Variants in SEPSECS observed in about 807,000 individuals in gnomAD.
The protein encoded by SEPSECS is Sep (O-phosphoserine) tRNA:Sec (selenocysteine) tRNA synthase, also known as O-phosphoseryl-tRNA(Sec) selenium transferase.
Under a neutral mutation model 52.1 loss-of-function variants are expected in SEPSECS, and 42 were observed. The observed-to-expected ratio is 0.81, with a 90% CI of 0.63 to 1.04. The LOEUF (loss-of-function observed/expected upper bound fraction) is 1.04. SEPSECS is among the 50% of genes least tolerant of loss of function. SEPSECS has a pLI of 0.00. For synonymous variants in SEPSECS, 216 were observed against 211.4 expected, an observed-to-expected ratio of 1.02 and a Z score of -0.19; for missense variants, 590 against 610.6, an observed-to-expected ratio of 0.97 and a Z score of 0.36.
chr4:25,145,650 T>C (rs1163903210), intron 6 of SEPSECS, among the ~76,000 whole-genome samples: 2 of 152,214 alleles, frequency 1.3e-5, no homozygotes, highest in Admixed American at 1.3e-4. Flanking sequence ...TGCTCCTTTT[T>C]TTGACAACAA....
At chr4:25,140,967 C>A (rs1479156358) in intron 8 of SEPSECS, among the ~76,000 whole-genome samples, 4 of 151,478 alleles carry the variant, frequency 2.6e-5, no homozygotes, top group Admixed American at 2.6e-4. Context: ...GAGTTCTTCT[C>A]TTGACATTAT....
chr4:25,159,734 T>G (rs1011488370), intron 1 of SEPSECS: 1 of 912,080 alleles, frequency 1.1e-6, no homozygotes, highest in Non-Finnish European at 1.4e-6. Flanking sequence ...ATCGTCACAC[T>G]GCATTCCAGC....
chr4:25,125,278 A>C (rs1275356183), intron 10 of SEPSECS: 1 of 167,070 alleles, frequency 6.0e-6, no homozygotes, highest in African/African-American at 2.4e-5. Flanking sequence ...TACATAGGCA[A>C]GGATTGCATA....
At chr4:25,125,451 G>T in intron 10 of SEPSECS, 1 of 496,236 alleles carries the variant, frequency 2.0e-6, no homozygotes, top group Non-Finnish European at 3.6e-6. Context: ...ATAAAACTTT[G>T]GTTCTGTACA....
intron 1 of SEPSECS, 133 bp downstream of exon 1, chr4:25,160,123 G>T (rs1712973886): frequency 6.8e-7 from 1 of 1,472,938 alleles, no homozygotes; most frequent in Admixed American, 2.5e-5. Flanking sequence ...GCTAGGGCAA[G>T]CCAAGCTGAG....
chr4:25,122,674 A>C lies in SEPSECS; in HGVS notation c.*1257T>G, dbSNP rs1052669189. ...CATGATCCACAGAGCTGGGTTTGAGAAACATAGCTTTGGCATGGTGGCATG... is the reference window on the plus strand; with the variant it reads ...CATGATCCACAGAGCTGGGTTTGAGCAACATAGCTTTGGCATGGTGGCATG... On this transcript the variant is annotated 3_prime_UTR_variant, in exon 11 of 11. Coordinates refer to ENST00000382103, the MANE Select transcript of SEPSECS (RefSeq NM_016955.4). The C allele has an allele frequency of 2.0e-5, 3 of 152,168 alleles. No individual in the cohort carries two copies. Among genetic ancestry groups the C allele is most frequent in the African/African-American group, 4.8e-5 (2 of 41,446 alleles). 9.4% of individuals were successfully genotyped at this position (152,168 alleles called of 1,614,324 possible). A position where few individuals can be genotyped will look rare whatever the true frequency, so the allele number is the denominator to read the frequency against.
intron 8 of SEPSECS, among the ~76,000 whole-genome samples, chr4:25,132,188 T>TA (rs776329514): frequency 5.3e-5 from 8 of 152,218 alleles, no homozygotes; most frequent in Non-Finnish European, 1.2e-4. Context: ...GTGAAAAAGA[T>TA]AAAGCCTTTT....
chr4:25,156,929 T>C lies in SEPSECS; in HGVS notation c.315A>G (p.Gln105=), dbSNP rs1356620262. The C allele has an allele frequency of 6.2e-7, 1 of 1,613,538 alleles. No individual in the cohort carries two copies. The highest frequency in any genetic ancestry group is 8.5e-7 in the Non-Finnish European group (1 of 1,179,596). ...AAAGGCTAGAGCCTGCAGCTTTTGG[T>C]TGCACAGCAGAAATATCACCGGATC... ...IGRSGDISAV[Q]PKAAGSSLLN... Residue 105 remains glutamine (Q), a synonymous_variant, in exon 3 of 11, where the codon CAA becomes CAG. Transcript: ENST00000382103.
chr4:25,158,923 G>A (rs1365231186), intron 2 of SEPSECS, 30 bp downstream of exon 2: 6 of 1,599,526 alleles, frequency 3.8e-6, no homozygotes, highest in Non-Finnish European at 5.1e-6. Flanking sequence ...AATAAACGAT[G>A]TATCTCCTGT....
At chr4:25,152,848 G>A (rs1014014091) in intron 5 of SEPSECS, among the ~76,000 whole-genome samples, 1 of 151,884 alleles carries the variant, frequency 6.6e-6, no homozygotes, top group Admixed American at 6.6e-5. Flanking sequence ...TAAATCCTAT[G>A]TTTTAGTAAA....
intron 6 of SEPSECS, among the ~76,000 whole-genome samples, chr4:25,148,195 T>C (rs1712090652): frequency 6.6e-6 from 1 of 151,532 alleles, no homozygotes; most frequent in African/African-American, 2.4e-5. Context: ...TACTAAAAAA[T>C]ACAAAAAATT....
chr4:25,132,478 T>A (rs887353451), intron 8 of SEPSECS, among the ~76,000 whole-genome samples: 2 of 152,178 alleles, frequency 1.3e-5, no homozygotes, highest in African/African-American at 4.8e-5. Flanking sequence ...GGCCCTTATT[T>A]CTGCAACAAA....
chr4:25,128,066 A>G (rs972100254), intron 8 of SEPSECS, among the ~76,000 whole-genome samples: 1 of 152,024 alleles, frequency 6.6e-6, no homozygotes, highest in Non-Finnish European at 1.5e-5. Flanking sequence ...AACTCTGCCA[A>G]TCTCCTTCCC....
chr4:25,137,456 T>C (rs1315920005), intron 8 of SEPSECS, among the ~76,000 whole-genome samples: 1 of 151,906 alleles, frequency 6.6e-6, no homozygotes, highest in African/African-American at 2.4e-5. Flanking sequence ...CCAACAAACA[T>C]ATGAAGAAAA....
intron 6 of SEPSECS, among the ~76,000 whole-genome samples, chr4:25,146,061 A>T (rs576836948): frequency 4.6e-5 from 7 of 152,210 alleles, no homozygotes; most frequent in Non-Finnish European, 7.4e-5. Context: ...TTCGGTCCTC[A>T]TCCAACTTTC....
At position 25,144,953 on chromosome 4, in the gene SEPSECS, T is replaced by C. The variant is rs1191487733; in HGVS notation, c.934+51A>G. ...TTTACTACAATAGCCTATGTACAAATGGATTTTTGTTTGTTAGCTACTTTT... is the reference window on the plus strand; with the variant it reads ...TTTACTACAATAGCCTATGTACAAACGGATTTTTGTTTGTTAGCTACTTTT... On this transcript the variant is annotated intron_variant, in intron 7 of 10. Transcript: ENST00000382103. The C allele has an allele frequency of 1.9e-6, 3 of 1,608,474 alleles. No homozygotes were observed. The South Asian group carries it at 3.3e-5, about 18-fold the overall frequency.
chr4:25,128,897 A>G (rs1728502075), intron 8 of SEPSECS, among the ~76,000 whole-genome samples: 1 of 152,164 alleles, frequency 6.6e-6, no homozygotes, highest in South Asian at 2.1e-4. Context: ...TCATGTCTGA[A>G]GCACACAGAT....
chr4:25,138,271 TA>T (rs1728923518), intron 8 of SEPSECS, among the ~76,000 whole-genome samples: 1 of 152,338 alleles, frequency 6.6e-6, no homozygotes, highest in Non-Finnish European at 1.5e-5. Flanking sequence ...AGTATACTTT[TA>T]AAATGACTTA....
At chr4:25,130,634 G>A (rs1439459634) in intron 8 of SEPSECS, among the ~76,000 whole-genome samples, 1 of 152,134 alleles carries the variant, frequency 6.6e-6, no homozygotes, top group African/African-American at 2.4e-5. Context: ...AGGGTTATAA[G>A]TAAACCAATA....
Sources: allele counts gnomAD v4.1 joint callset (sites outside exome capture counted in the v4.1 genomes callset), GRCh38; gene constraint gnomAD v4.1.1; transcripts MANE v1.5; gene names NCBI Gene and HGNC (gene_info 2026-07-23, HGNC 2026-07-21).